The following COX18 variants were observed in gnomAD, a reference collection of about 807,000 sequenced individuals.
COX18 encodes the protein cytochrome c oxidase assembly protein COX18, mitochondrial.
COX18 carries 45 observed loss-of-function variants against 38.0 expected under a neutral mutation model. The ratio of observed to expected loss-of-function variants is 1.18; its 90% CI spans 0.93 to 1.52. The LOEUF (loss-of-function observed/expected upper bound fraction) is 1.52, where lower values mean the gene tolerates loss of function less well. Among genes scored for constraint, COX18 ranks in the 40% most tolerant of loss-of-function variants. The pLI, the probability that COX18 is intolerant of heterozygous loss-of-function variation, is 0.00. For synonymous variants in COX18, 177 were observed against 169.8 expected (o/e 1.04, Z -0.33); for missense variants, 462 against 423.8 (o/e 1.09, Z -0.79).
chr4:73,061,287 C>T (rs1275383036), intron 5 of COX18, among the ~76,000 whole-genome samples: 2 of 152,042 alleles, frequency 1.3e-5, no homozygotes, highest in Non-Finnish European at 2.9e-5. Flanking sequence ...GGAAGAAATA[C>T]CATATTCATG....
chr4:73,067,987 T>TGTGC, intron 2 of COX18, 42 bp downstream of exon 2: 1 of 1,050,556 alleles, frequency 9.5e-7, no homozygotes, highest in Non-Finnish European at 1.5e-6. Context: ...TGTGTGTGTG[T>TGTGC]GTATGTGTGC....
chr4:73,067,189 T>C (rs1292461042), intron 2 of COX18, among the ~76,000 whole-genome samples: 2 of 152,248 alleles, frequency 1.3e-5, no homozygotes, highest in Admixed American at 6.5e-5. Context: ...AAAGTGTTTC[T>C]ACTGTGGCAC....
In COX18 at chr4:73,055,908, T is replaced by C. The variant is rs1719871880; in HGVS notation, c.*2206A>G. The C allele has an allele frequency of 6.6e-6, 1 of 152,160 alleles. No individual in the cohort carries two copies. The highest frequency in any genetic ancestry group is 2.1e-4 in the South Asian group (1 of 4,828). 9.4% of individuals were successfully genotyped at this position (152,160 alleles called of 1,614,324 possible). ...CAGTCAGAAACCAGGACTAGGAACT[T>C]GTATGAAAAAAGAACCTAGTCTTAA... On this transcript the variant is annotated 3_prime_UTR_variant, in exon 6 of 6. Transcript: ENST00000507544.
At position 73,052,394 on chromosome 4, in the gene COX18, A is replaced by T; in HGVS notation, c.*5720T>A. On this transcript the variant is annotated 3_prime_UTR_variant, in exon 6 of 6. Coordinates refer to ENST00000507544, the MANE Select transcript of COX18 (RefSeq NM_001297732.2). The stretch of plus-strand genomic sequence containing the variant: ...TATAGTTGTATTTTTATTTTTATAT[A>T]AATTTATATTCTTATTTTAGTTGTA... 6.6e-6 allele frequency: 1 copy of T among 151,986 alleles called. No individual in the cohort carries two copies. Among genetic ancestry groups the T allele is most frequent in the South Asian group, 2.1e-4 (1 of 4,828 alleles). The allele number at this position is 151,986 out of a possible 1,614,324, so 9.4% of individuals were successfully genotyped here. A position where few individuals can be genotyped will look rare whatever the true frequency, so the allele number is the denominator to read the frequency against.
At chr4:73,067,997 C>G (rs201155823) in intron 2 of COX18, 32 bp downstream of exon 2, 1 of 1,174,360 alleles carries the variant, frequency 8.5e-7, no homozygotes, top group Non-Finnish European at 1.3e-6. Context: ...TGTATGTGTG[C>G]GTATGGTCTT....
At position 73,065,319 on chromosome 4, in the gene COX18, G is replaced by A. The variant is rs1431028103; in HGVS notation, c.529C>T (p.Gln177Ter). The A allele has an allele frequency of 1.2e-6, 2 of 1,613,630 alleles. No individual in the cohort carries two copies. The highest frequency in any genetic ancestry group is 1.1e-5 in the South Asian group (1 of 91,076). Residue 177 changes from glutamine (Q) to a stop codon, truncating the protein, a stop_gained, in exon 3 of 6, where the codon CAG (glutamine) becomes TAG (stop). Coordinates refer to ENST00000507544, the MANE Select transcript of COX18 (RefSeq NM_001297732.2). LOFTEE classifies it high-confidence loss of function. ...GACATGAAGATCCACATTGGAAGCTGAATCCAAACCAACACAGTGGCTTTG... is the reference window on the plus strand; with the variant it reads ...GACATGAAGATCCACATTGGAAGCTAAATCCAAACCAACACAGTGGCTTTG... ...PFKATVLVWI[Q>*]LPMWIFMSFA...
intron 2 of COX18, among the ~76,000 whole-genome samples, chr4:73,065,720 C>G (rs1232490326): frequency 6.6e-6 from 1 of 152,080 alleles, no homozygotes; most frequent in Non-Finnish European, 1.5e-5. Flanking sequence ...CATGGTATAA[C>G]TACAATTAAT....
At chr4:73,061,985 T>A in intron 4 of COX18, 65 bp from the exon 5 acceptor site, 1 of 843,572 alleles carries the variant, frequency 1.2e-6, no homozygotes, top group Non-Finnish European at 1.9e-6. Flanking sequence ...AGACAAGCTT[T>A]AAAATATAAA....
At chr4:73,058,674 C>T (rs1473679809) in intron 5 of COX18, among the ~76,000 whole-genome samples, 1 of 152,086 alleles carries the variant, frequency 6.6e-6, no homozygotes, top group Non-Finnish European at 1.5e-5. Context: ...CAAACTTAGC[C>T]TCCCTACACC....
At chr4:73,062,901 A>G (rs1430468158) in intron 4 of COX18, among the ~76,000 whole-genome samples, 3 of 152,038 alleles carry the variant, frequency 2.0e-5, no homozygotes, top group Admixed American at 2.0e-4. Flanking sequence ...GAGCCAAACT[A>G]CGTAGTTTTA....
chr4:73,052,397 T>C lies in COX18; in HGVS notation c.*5717A>G, dbSNP rs933957982. 6.6e-6 allele frequency: 1 copy of C among 152,016 alleles called. No individual in the cohort carries two copies. Among genetic ancestry groups the C allele is most frequent in the African/African-American group, 2.4e-5 (1 of 41,434 alleles). The allele number at this position is 152,016 out of a possible 1,614,324, so 9.4% of individuals were successfully genotyped here. On this transcript the variant is annotated 3_prime_UTR_variant, in exon 6 of 6. Coordinates refer to ENST00000507544, the MANE Select transcript of COX18 (RefSeq NM_001297732.2). ...AGTTGTATTTTTATTTTTATATAAA[T>C]TTATATTCTTATTTTAGTTGTATAC...
rs745572378 is a variant in COX18, at chr4:73,065,351, T to G, written c.497A>C (p.His166Pro). 1.2e-6 allele frequency: 2 copies of G among 1,613,910 alleles called. No individual in the cohort carries two copies. The highest frequency in any genetic ancestry group is 1.7e-6 in the Non-Finnish European group (2 of 1,179,896). Residue 166 changes from histidine (H) to proline (P), a missense_variant, in exon 3 of 6, where the codon CAC (histidine) becomes CCC (proline). Transcript: ENST00000507544. Reference protein sequence around the residue: ...ISELYVRDNCHPFKATVLVWI... With the variant: ...ISELYVRDNCPPFKATVLVWI... ...AACCAACACAGTGGCTTTGAAAGGG[T>G]GGCAGTTATCTCGCACATATAGCTC... is the stretch of plus-strand genomic sequence containing the variant.
At chr4:73,062,601 G>A (rs2110053016) in intron 4 of COX18, among the ~76,000 whole-genome samples, 1 of 152,208 alleles carries the variant, frequency 6.6e-6, no homozygotes, top group East Asian at 1.9e-4. Context: ...GGCCCAGGCA[G>A]GCCGATTGTT....
intron 5 of COX18, 53 bp from the exon 6 acceptor site, chr4:73,058,340 A>G: frequency 7.8e-7 from 1 of 1,286,764 alleles, no homozygotes; most frequent in Non-Finnish European, 1.1e-6. Context: ...AGGACATCAC[A>G]GTCCAGACAA....
In COX18 at chr4:73,065,496, C is replaced by A. The variant is rs917960633; in HGVS notation, c.435-83G>T. The A allele has an allele frequency of 4.2e-6, 5 of 1,200,502 alleles. No individual in the cohort carries two copies. In the African/African-American group the frequency reaches 4.6e-5, roughly 11 times the overall value. The allele number at this position is 1,200,502 out of a possible 1,614,324, so 74.4% of individuals were successfully genotyped here. A position where few individuals can be genotyped will look rare whatever the true frequency, so the allele number is the denominator to read the frequency against. On this transcript the variant is annotated intron_variant, in intron 2 of 5. Coordinates refer to ENST00000507544, the MANE Select transcript of COX18 (RefSeq NM_001297732.2). ...CTTTATTTCCATAGCACAAATAGCG[C>A]CTGCTGTAGTTATTAGCTAAAGGAT...
At chr4:73,068,365 T>C (rs1229751189) in intron 1 of COX18, among the ~76,000 whole-genome samples, 1 of 152,184 alleles carries the variant, frequency 6.6e-6, no homozygotes, top group Non-Finnish European at 1.5e-5. Context: ...TCTAAAATCA[T>C]GTTCCCTCAC....
Position 73,052,395 on chromosome 4 carries a change from A to T in COX18, c.*5719T>A. On this transcript the variant is annotated 3_prime_UTR_variant, in exon 6 of 6. Transcript: ENST00000507544. ...ATAGTTGTATTTTTATTTTTATATA[A>T]ATTTATATTCTTATTTTAGTTGTAT... 1 of 151,950 alleles carries T rather than the reference A, an allele frequency of 6.6e-6. No homozygotes were observed. Among genetic ancestry groups the T allele is most frequent in the South Asian group, 2.1e-4 (1 of 4,822 alleles). 9.4% of individuals were successfully genotyped at this position (151,950 alleles called of 1,614,324 possible). A position where few individuals can be genotyped will look rare whatever the true frequency, so the allele number is the denominator to read the frequency against.
intron 4 of COX18, 59 bp downstream of exon 4, chr4:73,064,719 A>AT: frequency 1.3e-6 from 2 of 1,586,302 alleles, no homozygotes; most frequent in Non-Finnish European, 1.7e-6. Flanking sequence ...TTTGAAGTCA[A>AT]AACAGCAGCA....
intron 5 of COX18, among the ~76,000 whole-genome samples, chr4:73,060,407 A>C (rs1720093103): frequency 6.6e-6 from 1 of 152,230 alleles, no homozygotes; most frequent in African/African-American, 2.4e-5. Context: ...TTACAACACT[A>C]CTACTTTATG....
Sources: allele counts gnomAD v4.1 joint callset (sites outside exome capture counted in the v4.1 genomes callset), GRCh38; gene constraint gnomAD v4.1.1; transcripts MANE v1.5; gene names NCBI Gene and HGNC (gene_info 2026-07-23, HGNC 2026-07-21).